Variants in RYR2 observed in about 807,000 individuals in gnomAD.
RYR2 encodes cardiac muscle ryanodine receptor-calcium release channel.
In RYR2, 227 loss-of-function variants were observed where a neutral mutation model predicts 601.1. The ratio of observed to expected loss-of-function variants is 0.38; its 90% CI spans 0.34 to 0.42. The LOEUF (loss-of-function observed/expected upper bound fraction) is 0.42, where lower values mean the gene tolerates loss of function less well. Among genes scored for constraint, RYR2 ranks in the 10% least tolerant of loss-of-function variants. RYR2 has a pLI of 1.00. For synonymous variants in RYR2, 2,223 were observed against 2,175.1 expected, an observed-to-expected ratio of 1.02 and a Z score of -0.61; for missense variants, 4,646 against 6,156.5, an observed-to-expected ratio of 0.75 and a Z score of 8.21.
chr1:237,696,863 C>T (rs974651504), intron 63 of RYR2, among the ~76,000 whole-genome samples: 4 of 152,162 alleles, frequency 2.6e-5, no homozygotes, highest in Admixed American at 2.0e-4. Flanking sequence ...AATTCACCAT[C>T]ATCAGTGAAC....
At chr1:237,469,486 ATTATG>A (rs796346288) in intron 17 of RYR2, among the ~76,000 whole-genome samples, 64 of 152,240 alleles carry the variant, frequency 4.2e-4, no homozygotes, top group African/African-American at 1.4e-3. Flanking sequence ...TTCCTTTTAA[ATTATG>A]TTAAGTATTT....
intron 2 of RYR2, among the ~76,000 whole-genome samples, chr1:237,325,550 T>C (rs886155478): frequency 2.0e-5 from 3 of 151,800 alleles, no homozygotes; most frequent in African/African-American, 7.3e-5. Context: ...TAGCCGGGCG[T>C]GGTGGCGGGT....
rs901466492 is a variant in RYR2 at position 237,268,676 on chromosome 1, A to G, written c.49-1821A>G. Among the ~76,000 whole-genome samples, 4 of 151,894 alleles carry G rather than the reference A, an allele frequency of 2.6e-5. No homozygotes were observed. The East Asian group carries it at 5.9e-4, about 22-fold the overall frequency. On this transcript the variant is annotated intron_variant, in intron 1 of 104. Coordinates refer to ENST00000366574, the MANE Select transcript of RYR2 (RefSeq NM_001035.3). ...AATACAGCCGGGTGCGGTGGCTCACACCTGTAATCCCAGCACTTTGGGAGG... is the reference window on the plus strand; with the variant it reads ...AATACAGCCGGGTGCGGTGGCTCACGCCTGTAATCCCAGCACTTTGGGAGG...
chr1:237,681,576 A>G (rs1685887620), intron 62 of RYR2, among the ~76,000 whole-genome samples: 1 of 152,212 alleles, frequency 6.6e-6, no homozygotes, highest in African/African-American at 2.4e-5. Flanking sequence ...TTCAAATGAT[A>G]ATTTTCCTAT....
chr1:237,557,053 T>C (rs1363369674), intron 27 of RYR2, among the ~76,000 whole-genome samples: 1 of 152,142 alleles, frequency 6.6e-6, no homozygotes, highest in East Asian at 1.9e-4. Flanking sequence ...AAGACTTCAC[T>C]GGAGCTGGAG....
chr1:237,659,948 C>T (rs761843858), intron 54 of RYR2, 37 bp from the exon 55 acceptor site: 12 of 1,365,538 alleles, frequency 8.8e-6, no homozygotes, highest in East Asian at 4.9e-5. Context: ...AAAATTAACA[C>T]GTGTAAAACA....
chr1:237,759,227 C>T (rs1189203805), intron 82 of RYR2, among the ~76,000 whole-genome samples: 3 of 152,150 alleles, frequency 2.0e-5, no homozygotes, highest in Non-Finnish European at 4.4e-5. Flanking sequence ...GCTGGGACTA[C>T]AGGCACATGC....
chr1:237,681,140 A>C (rs1685843402), intron 62 of RYR2, among the ~76,000 whole-genome samples: 1 of 152,208 alleles, frequency 6.6e-6, no homozygotes, highest in African/African-American at 2.4e-5. Context: ...CCTTTTACTC[A>C]AACTTCTGCT....
intron 6 of RYR2, among the ~76,000 whole-genome samples, chr1:237,371,346 G>C (rs201590199): frequency 5.9e-5 from 9 of 151,698 alleles, no homozygotes; most frequent in Admixed American, 3.3e-4. Flanking sequence ...TGTAGAGATG[G>C]GAGTCTCACC....
intron 57 of RYR2, 82 bp downstream of exon 57, chr1:237,666,671 G>A (rs771594512): frequency 1.5e-5 from 17 of 1,118,246 alleles, no homozygotes; most frequent in Non-Finnish European, 2.2e-5. Context: ...CATATATTTG[G>A]CAGCATGGTT....
chr1:237,776,117 C>G (rs910813942), intron 87 of RYR2, among the ~76,000 whole-genome samples: 1 of 152,156 alleles, frequency 6.6e-6, no homozygotes, highest in Non-Finnish European at 1.5e-5. Context: ...GTTTATTTTC[C>G]TAAAAATGGC....
rs191405728 is a variant in RYR2, at chr1:237,504,226, T to G, written c.2613+721T>G. 3.5e-3 allele frequency among the ~76,000 whole-genome samples: 540 copies of G among 152,350 alleles called. 4 individuals carry two copies. Among genetic ancestry groups the G allele is most frequent in the African/African-American group, 0.012 (519 of 41,574 alleles). On this transcript the variant is annotated intron_variant, in intron 22 of 104. Coordinates refer to ENST00000366574, the MANE Select transcript of RYR2 (RefSeq NM_001035.3). ...AGGCTTTGTGTGAGCAATAAAGCTT[T>G]TAATCACCTGGGTGCAGGCGGGCTG...
intron 1 of RYR2, among the ~76,000 whole-genome samples, chr1:237,234,682 ATAT>A (rs1685364369): frequency 6.6e-6 from 1 of 152,214 alleles, no homozygotes; most frequent in Non-Finnish European, 1.5e-5. Context: ...TTGAAGGATA[ATAT>A]TCTGGACATT....
At chr1:237,748,011 T>G (rs977254281) in intron 80 of RYR2, among the ~76,000 whole-genome samples, 1 of 152,144 alleles carries the variant, frequency 6.6e-6, no homozygotes, top group African/African-American at 2.4e-5. Context: ...AACTACATTT[T>G]TATACAATAA....
rs148841146 is a variant in RYR2, at chr1:237,100,972, T to A, written c.48+58403T>A. ...GGTTTGTCACCATGTGATGTTGGGA[T>A]GGCTTGTCTTTGCCGCCTCACTTCC... On this transcript the variant is annotated intron_variant, in intron 1 of 104. Coordinates refer to ENST00000366574, the MANE Select transcript of RYR2 (RefSeq NM_001035.3). 2.5e-3 allele frequency among the ~76,000 whole-genome samples: 385 copies of A among 152,086 alleles called. 3 individuals are homozygous for A. The highest frequency in any genetic ancestry group is 3.6e-3 in the Non-Finnish European group (248 of 68,002).
At position 237,042,468 on chromosome 1, in the gene RYR2, G is replaced by A. The variant is rs945211910; in HGVS notation, c.-54G>A. 18 of 1,238,626 alleles carry A rather than the reference G, an allele frequency of 1.5e-5. No individual in the cohort carries two copies. Among genetic ancestry groups the A allele is most frequent in the African/African-American group, 1.6e-5 (1 of 64,170 alleles). The allele number at this position is 1,238,626 out of a possible 1,614,324, so 76.7% of individuals were successfully genotyped here. A position where few individuals can be genotyped will look rare whatever the true frequency, so the allele number is the denominator to read the frequency against. On this transcript the variant is annotated 5_prime_UTR_variant, in exon 1 of 105. Transcript: ENST00000366574. ...GAAGGCAGCGCCAGGGGCCGCCGCCGCCGCCGAGCTCCGCGGGGCTCGGGA... is the reference window on the plus strand; with the variant it reads ...GAAGGCAGCGCCAGGGGCCGCCGCCACCGCCGAGCTCCGCGGGGCTCGGGA...
At chr1:237,244,391 A>G (rs1246907262) in intron 1 of RYR2, among the ~76,000 whole-genome samples, 1 of 152,092 alleles carries the variant, frequency 6.6e-6, no homozygotes, top group Non-Finnish European at 1.5e-5. Flanking sequence ...GCAGCCCCCA[A>G]ATGGCATGTT....
intron 89 of RYR2, among the ~76,000 whole-genome samples, chr1:237,783,247 G>A (rs1184442705): frequency 6.6e-6 from 1 of 152,108 alleles, no homozygotes. Context: ...TAAAATTAGG[G>A]TTAACAAAAA....
chr1:237,365,948 G>A (rs1700158810), intron 5 of RYR2, among the ~76,000 whole-genome samples: 1 of 152,184 alleles, frequency 6.6e-6, no homozygotes. Context: ...GAGGCCAGAA[G>A]GCCAATAGTT....
Sources: gnomAD v4.1 joint callset for allele counts (sites outside exome capture counted in the v4.1 genomes callset) on GRCh38, gnomAD v4.1.1 for gene constraint, MANE v1.5 for transcripts, NCBI Gene and HGNC (gene_info 2026-07-23, HGNC 2026-07-21) for gene names.